Variants in CSGALNACT1 observed in about 807,000 individuals in gnomAD.
CSGALNACT1 encodes the protein chondroitin sulfate N-acetylgalactosaminyltransferase 1.
In CSGALNACT1, 52 loss-of-function variants were observed where a neutral mutation model predicts 51.0. The observed-to-expected ratio is 1.02, with a 90% confidence interval of 0.82 to 1.29. CSGALNACT1 has a LOEUF of 1.29. CSGALNACT1 is among the 50% of genes most tolerant of loss of function. The probability of loss-of-function intolerance (pLI) is 0.00; values close to 1 mark genes in which losing one functional copy is unlikely to be tolerated. For synonymous variants in CSGALNACT1, 341 were observed against 254.4 expected, an observed-to-expected ratio of 1.34 and a Z score of -3.24; for missense variants, 935 against 679.2, an observed-to-expected ratio of 1.38 and a Z score of -4.19.
chr8:19,674,652 G>A (rs1187952036), intron 1 of CSGALNACT1, among the ~76,000 whole-genome samples: 1 of 152,152 alleles, frequency 6.6e-6, no homozygotes, highest in Non-Finnish European at 1.5e-5. Flanking sequence ...GTGGAGGGCA[G>A]TGGTGTGAAA....
At chr8:19,658,750 C>CA (rs964497356) in intron 1 of CSGALNACT1, among the ~76,000 whole-genome samples, 2 of 151,780 alleles carry the variant, frequency 1.3e-5, no homozygotes, top group African/African-American at 4.8e-5. Flanking sequence ...ACAACAACAA[C>CA]AAAAAACACC....
At chr8:19,647,485 TG>T (rs1334686060) in intron 1 of CSGALNACT1, among the ~76,000 whole-genome samples, 1 of 152,232 alleles carries the variant, frequency 6.6e-6, no homozygotes, top group Non-Finnish European at 1.5e-5. Context: ...ATGTTATTTT[TG>T]CTCCTCCTCT....
intron 3 of CSGALNACT1, among the ~76,000 whole-genome samples, chr8:19,520,063 A>G (rs2080347884): frequency 6.6e-6 from 1 of 152,176 alleles, no homozygotes; most frequent in African/African-American, 2.4e-5. Context: ...TGAAACTGTT[A>G]CTTTTAGTTA....
In CSGALNACT1 at chr8:19,485,759, CTTTTTTTTT is replaced by C. The variant is rs386412239; in HGVS notation, c.634+19433_634+19441del. Among the ~76,000 whole-genome samples the C allele has an allele frequency of 3.2e-3, 124 of 38,544 alleles. 2 individuals are homozygous for C. Among genetic ancestry groups the C allele is most frequent in the Admixed American group, 5.7e-3 (12 of 2,106 alleles). 25.3% of individuals were successfully genotyped at this position (38,544 alleles called of 152,430 possible). ...AAAGTCTCACTGCCACCTCAGCTTGCTTTTTTTTTTTTTTTTTTTTTTTTTTGACAGAGT... is the reference window on the plus strand; with the variant it reads ...AAAGTCTCACTGCCACCTCAGCTTGCTTTTTTTTTTTTTTTTTGACAGAGT... On this transcript the variant is annotated intron_variant, in intron 4 of 9. Coordinates refer to ENST00000454498, the Ensembl canonical transcript of CSGALNACT1.
At chr8:19,722,461 C>T (rs1315225432) in intron 1 of CSGALNACT1, among the ~76,000 whole-genome samples, 1 of 152,164 alleles carries the variant, frequency 6.6e-6, no homozygotes, top group African/African-American at 2.4e-5. Flanking sequence ...AAAACAGAGG[C>T]CCAGCAAAGT....
At chr8:19,686,150 G>A (rs1162541728), upstream of CSGALNACT1, among the ~76,000 whole-genome samples, 5 of 152,148 alleles carry the variant, frequency 3.3e-5, no homozygotes, top group Non-Finnish European at 7.3e-5. Flanking sequence ...TCAGGGTTCT[G>A]CTTTGCTCTC....
rs1589382281 is a variant in CSGALNACT1 at position 19,666,894 on chromosome 8, G to GAGA, written c.-544+15578_-544+15579insTCT. On this transcript the variant is annotated intron_variant, in intron 1 of 9. Transcript: ENST00000332246. Reference sequence around the variant, plus strand: ...GAAAGAAAGAAAGAAAGAGAGAGAGGAAGTGAGGAAGGGAGGAAGGGAGGA... The same window carrying GAGA: ...GAAAGAAAGAAAGAAAGAGAGAGAGGAGAAAGTGAGGAAGGGAGGAAGGGAGGA... 1.0e-4 allele frequency among the ~76,000 whole-genome samples: 11 copies of GAGA among 105,370 alleles called. No individual in the cohort carries two copies. The East Asian group carries it at 1.2e-3, about 11-fold the overall frequency. 69.1% of individuals were successfully genotyped at this position (105,370 alleles called of 152,430 possible).
intron 1 of CSGALNACT1, among the ~76,000 whole-genome samples, chr8:19,666,809 A>AAGAAAGAGAGAG (rs1564383214): frequency 5.6e-4 from 14 of 25,106 alleles, no homozygotes; most frequent in Admixed American, 2.9e-3. Context: ...GAAAGAAAGA[A>AAGAAAGAGAGAG]AGAGAGAGAG....
At chr8:19,553,634 TATATAAAA>T (rs934284450) in intron 3 of CSGALNACT1, among the ~76,000 whole-genome samples, 3 of 141,026 alleles carry the variant, frequency 2.1e-5, no homozygotes, top group African/African-American at 8.2e-5. Context: ...TATATATATA[TATATAAAA>T]AAATATGTCA....
intron 1 of CSGALNACT1, among the ~76,000 whole-genome samples, chr8:19,733,978 G>A (rs577703266): frequency 6.6e-6 from 1 of 152,260 alleles, no homozygotes; most frequent in South Asian, 2.1e-4. Flanking sequence ...AGTGTACCCA[G>A]CTGCTTCATG....
At chr8:19,514,474 A>AATATATAT (rs2079080988) in intron 3 of CSGALNACT1, among the ~76,000 whole-genome samples, 2 of 48,732 alleles carry the variant, frequency 4.1e-5, no homozygotes, top group African/African-American at 1.2e-4. Flanking sequence ...TTGAACAGAG[A>AATATATAT]CTATATATAT....
chr8:19,576,041 G>A (rs188596080), intron 3 of CSGALNACT1, among the ~76,000 whole-genome samples: 1 of 152,234 alleles, frequency 6.6e-6, no homozygotes, highest in Admixed American at 6.5e-5. Context: ...GAAGAGGTAG[G>A]TGGGCCGAGA....
At chr8:19,422,433 T>C (rs189275153) in intron 6 of CSGALNACT1, among the ~76,000 whole-genome samples, 8 of 152,290 alleles carry the variant, frequency 5.3e-5, no homozygotes, top group Non-Finnish European at 1.0e-4. Context: ...TACTACTGCC[T>C]CGGCCTCCCA....
At chr8:19,463,732 C>A (rs978221487) in intron 4 of CSGALNACT1, among the ~76,000 whole-genome samples, 3 of 152,174 alleles carry the variant, frequency 2.0e-5, no homozygotes, top group Non-Finnish European at 1.5e-5. Context: ...TACCTGGCAC[C>A]TCCGTGTCTT....
intron 1 of CSGALNACT1, among the ~76,000 whole-genome samples, chr8:19,623,595 A>C (rs2054093983): frequency 6.6e-6 from 1 of 152,240 alleles, no homozygotes; most frequent in South Asian, 2.1e-4. Flanking sequence ...TGGGCCAGAA[A>C]GCAGTACTTA....
At chr8:19,691,079 G>A (rs979583143) in intron 1 of CSGALNACT1, among the ~76,000 whole-genome samples, 1 of 152,226 alleles carries the variant, frequency 6.6e-6, no homozygotes, top group Non-Finnish European at 1.5e-5. Flanking sequence ...ACAACAGAGT[G>A]AGACCTAGTC....
chr8:19,652,256 T>A (rs1431302419), intron 1 of CSGALNACT1, among the ~76,000 whole-genome samples: 1 of 152,180 alleles, frequency 6.6e-6, no homozygotes, highest in Non-Finnish European at 1.5e-5. Context: ...AGGCCTGCTT[T>A]TTACTTTTTA....
intron 1 of CSGALNACT1, among the ~76,000 whole-genome samples, chr8:19,646,658 C>G (rs2154180671): frequency 6.6e-6 from 1 of 152,214 alleles, no homozygotes; most frequent in Middle Eastern, 3.4e-3. Context: ...TCAGTGTTGC[C>G]CCCTTACTTG....
intron 1 of CSGALNACT1, among the ~76,000 whole-genome samples, chr8:19,695,639 C>A (rs960843263): frequency 6.6e-6 from 1 of 152,158 alleles, no homozygotes; most frequent in Non-Finnish European, 1.5e-5. Flanking sequence ...AGAGGCTGTA[C>A]TGCAGATTGG....
Sources: allele counts gnomAD v4.1 joint callset (sites outside exome capture counted in the v4.1 genomes callset), GRCh38; gene constraint gnomAD v4.1.1; transcripts MANE v1.5; gene names NCBI Gene and HGNC (gene_info 2026-07-23, HGNC 2026-07-21).